Variants in ZNF536 observed in about 807,000 individuals in gnomAD.
The protein encoded by ZNF536 is zinc finger protein 536.
In ZNF536, 13 loss-of-function variants were observed where a neutral mutation model predicts 84.5. That is an observed-to-expected ratio of 0.15 (90% confidence interval 0.10 to 0.24). The LOEUF is 0.24. Among genes scored for constraint, ZNF536 ranks in the 10% least tolerant of loss-of-function variants. The pLI is 1.00. For missense variants in ZNF536, 1,536 were observed against 1,747.5 expected (o/e 0.88, Z 2.16); for synonymous variants, 811 against 742.5 (o/e 1.09, Z -1.50).
At chr19:30,579,279 C>A (rs1033459743) in intron 1 of ZNF536, among the ~76,000 whole-genome samples, 1 of 152,186 alleles carries the variant, frequency 6.6e-6, no homozygotes, top group Non-Finnish European at 1.5e-5. Context: ...GTGTTACAAA[C>A]TTAGTGGGTA....
At chr19:30,423,256 C>T (rs2051061312) in intron 1 of ZNF536, among the ~76,000 whole-genome samples, 4 of 151,908 alleles carry the variant, frequency 2.6e-5, no homozygotes, top group African/African-American at 9.7e-5. Flanking sequence ...CATATCCATC[C>T]ATCCATTCAT....
At chr19:30,465,807 G>C (rs1235544843) in intron 2 of ZNF536, among the ~76,000 whole-genome samples, 1 of 151,980 alleles carries the variant, frequency 6.6e-6, no homozygotes, top group Non-Finnish European at 1.5e-5. Context: ...CTGGAGTGCA[G>C]TGGTGCGATC....
intron 2 of ZNF536, among the ~76,000 whole-genome samples, chr19:30,474,677 G>A (rs1202406753): frequency 6.6e-6 from 1 of 152,112 alleles, no homozygotes; most frequent in Non-Finnish European, 1.5e-5. Flanking sequence ...ATTAATTAAG[G>A]TTGATATTTA....
intron 2 of ZNF536, among the ~76,000 whole-genome samples, chr19:30,497,394 A>T (rs1281499956): frequency 6.6e-6 from 1 of 151,502 alleles, no homozygotes; most frequent in Non-Finnish European, 1.5e-5. Context: ...AGTGTAGATG[A>T]GAAAGGGGTA....
At chr19:30,336,982 G>T (rs752634153) in intron 2 of ZNF536, among the ~76,000 whole-genome samples, 2 of 152,060 alleles carry the variant, frequency 1.3e-5, no homozygotes, top group African/African-American at 2.4e-5. Flanking sequence ...GGTCTCAGCC[G>T]TGAGAACTCA....
At chr19:30,450,726 A>G (rs2052564907) in intron 2 of ZNF536, among the ~76,000 whole-genome samples, 1 of 152,218 alleles carries the variant, frequency 6.6e-6, no homozygotes. Context: ...AACATTATTT[A>G]ATTTTCCAGA....
chr19:30,320,697 G>A (rs1226992361), intron 2 of ZNF536, among the ~76,000 whole-genome samples: 1 of 152,120 alleles, frequency 6.6e-6, no homozygotes, highest in Admixed American at 6.5e-5. Flanking sequence ...TGGGCCCAGG[G>A]AAGGGTAAAA....
At chr19:30,332,540 C>T (rs772726325) in intron 2 of ZNF536, among the ~76,000 whole-genome samples, 2 of 152,166 alleles carry the variant, frequency 1.3e-5, no homozygotes, top group African/African-American at 2.4e-5. Context: ...GGCCCTGTCT[C>T]AAATATCCCC....
intron 1 of ZNF536, among the ~76,000 whole-genome samples, chr19:30,386,046 T>G (rs2049327654): frequency 6.6e-6 from 1 of 152,196 alleles, no homozygotes; most frequent in South Asian, 2.1e-4. Flanking sequence ...CATTCTGATG[T>G]CAGCTGGTGT....
chr19:30,348,802 TTTTTTTCTTTTC>T (rs2047832139), intron 2 of ZNF536, among the ~76,000 whole-genome samples: 2 of 115,936 alleles, frequency 1.7e-5, no homozygotes, highest in South Asian at 5.9e-4. Context: ...CCATTTTCTT[TTTTTTTCTTTTC>T]TTTTTTTTTT....
chr19:30,234,505 G>T (rs1038043368), intron 1 of ZNF536, among the ~76,000 whole-genome samples: 27 of 150,786 alleles, frequency 1.8e-4, no homozygotes, highest in African/African-American at 6.1e-4. Flanking sequence ...AGGTTCAAGG[G>T]GTCCTCCCGC....
intron 2 of ZNF536, among the ~76,000 whole-genome samples, chr19:30,526,911 T>A (rs911250302): frequency 6.6e-6 from 1 of 151,992 alleles, no homozygotes; most frequent in Non-Finnish European, 1.5e-5. Context: ...TCCTAGTGTC[T>A]TATATTTCTC....
chr19:30,318,649 G>T (rs551352708), intron 2 of ZNF536, among the ~76,000 whole-genome samples: 5 of 152,250 alleles, frequency 3.3e-5, no homozygotes, highest in Non-Finnish European at 7.3e-5. Context: ...GTGTGTGTGC[G>T]CATGAGTCTG....
intron 2 of ZNF536, among the ~76,000 whole-genome samples, chr19:30,315,973 A>G (rs1446218765): frequency 6.6e-6 from 1 of 152,118 alleles, no homozygotes; most frequent in African/African-American, 2.4e-5. Context: ...ACATTTTTTA[A>G]CTTCTGTGTA....
In ZNF536 at chr19:30,494,375, T is replaced by C. The variant is rs116543767; in HGVS notation, c.2171-40472T>C. On this transcript the variant is annotated intron_variant, in intron 2 of 4. Transcript: ENST00000355537. ...CTTGCAAAGTTGCAGGCGTCTTGCT[T>C]CGACTTCACTCCGCCATTCCTTTTA... Among the ~76,000 whole-genome samples, 171 of 152,330 alleles carry C rather than the reference T, an allele frequency of 1.1e-3. 1 individual carries two copies. Among genetic ancestry groups the C allele is most frequent in the African/African-American group, 3.7e-3 (152 of 41,578 alleles).
chr19:30,506,502 C>G (rs1406731298), intron 2 of ZNF536, among the ~76,000 whole-genome samples: 1 of 152,176 alleles, frequency 6.6e-6, no homozygotes, highest in Non-Finnish European at 1.5e-5. Flanking sequence ...TTTTAGGTCC[C>G]TTAACAGAGA....
intron 1 of ZNF536, among the ~76,000 whole-genome samples, chr19:30,633,353 T>C (rs1468829235): frequency 6.6e-6 from 1 of 152,256 alleles, no homozygotes; most frequent in Non-Finnish European, 1.5e-5. Flanking sequence ...AAATACGACG[T>C]GGGAAGATTG....
At chr19:30,551,216 G>T (rs976588428) in intron 4 of ZNF536, among the ~76,000 whole-genome samples, 1 of 150,464 alleles carries the variant, frequency 6.6e-6, no homozygotes, top group Non-Finnish European at 1.5e-5. Context: ...CATCAGAAAA[G>T]ATCAAAACCT....
chr19:30,293,584 G>A (rs1397995278), intron 2 of ZNF536, among the ~76,000 whole-genome samples: 2 of 152,310 alleles, frequency 1.3e-5, no homozygotes, highest in East Asian at 3.9e-4. Flanking sequence ...TGCAGTGTGA[G>A]GCACAACAGT....
Sources: allele counts gnomAD v4.1 joint callset (sites outside exome capture counted in the v4.1 genomes callset), GRCh38; gene constraint gnomAD v4.1.1; transcripts MANE v1.5; gene names NCBI Gene and HGNC (gene_info 2026-07-23, HGNC 2026-07-21).